The following PPP2R5C variants were observed in gnomAD, a reference collection of about 807,000 sequenced individuals.
PPP2R5C encodes the protein protein phosphatase 2 regulatory subunit B'gamma.
Under a neutral mutation model 68.9 loss-of-function variants are expected in PPP2R5C, and 7 were observed. The observed-to-expected ratio is 0.10, with a 90% CI of 0.06 to 0.19. PPP2R5C has a LOEUF of 0.19. Ranked by LOEUF, PPP2R5C falls within the 10% of genes least tolerant of loss-of-function variation. PPP2R5C has a pLI of 1.00. For synonymous variants in PPP2R5C, 210 were observed against 222.2 expected (o/e 0.95, Z 0.49); for missense variants, 348 against 641.3 (o/e 0.54, Z 4.94).
At position 101,835,854 on chromosome 14, in the gene PPP2R5C, T is replaced by G. The variant is rs1159342876; in HGVS notation, c.95-20832T>G. ...AGCACGGTCCCATCTGAGCGTCGCC[T>G]TAACCTCTCTGTAGACCTCTGTCCT... On this transcript the variant is annotated intron_variant, in intron 1 of 13. Coordinates refer to ENST00000334743, the Ensembl canonical transcript of PPP2R5C. This position sits in a 1 kb window ranked among gnomAD's most constrained non-coding sequence, Gnocchi z 5.0. 6.6e-6 allele frequency among the ~76,000 whole-genome samples: 1 copy of G among 152,244 alleles called. No homozygotes were observed. The highest frequency in any genetic ancestry group is 1.5e-5 in the Non-Finnish European group (1 of 68,048).
intron 1 of PPP2R5C, chr14:101,839,664 T>G (rs948508926): frequency 6.6e-6 from 1 of 152,266 alleles, no homozygotes; most frequent in Admixed American, 6.5e-5. Flanking sequence ...CCATCCTCCA[T>G]CTGTAATCAT....
intron 2 of PPP2R5C, among the ~76,000 whole-genome samples, chr14:101,773,522 G>A (rs1030225682): frequency 2.0e-5 from 3 of 152,188 alleles, no homozygotes; most frequent in African/African-American, 7.2e-5. Flanking sequence ...GCCCCATGGA[G>A]GAAGTGAGTT....
chr14:101,884,615 G>A (rs1035263741), intron 5 of PPP2R5C, among the ~76,000 whole-genome samples: 2 of 152,264 alleles, frequency 1.3e-5, no homozygotes, highest in Non-Finnish European at 2.9e-5. Context: ...GGAGGACAGA[G>A]TCCAGTGGCA....
chr14:101,874,764 G>T (rs1368817112), intron 2 of PPP2R5C, among the ~76,000 whole-genome samples: 1 of 152,004 alleles, frequency 6.6e-6, no homozygotes, highest in African/African-American at 2.4e-5. Flanking sequence ...ATTTGAGACA[G>T]AGTCTTGCTC....
At chr14:101,845,603 T>G (rs891080992) in intron 1 of PPP2R5C, among the ~76,000 whole-genome samples, 1 of 152,182 alleles carries the variant, frequency 6.6e-6, no homozygotes, top group Non-Finnish European at 1.5e-5. Context: ...TACTGTTAAT[T>G]TCATGAGAAA....
At chr14:101,784,690 CTG>C in intron 2 of PPP2R5C, among the ~76,000 whole-genome samples, 1 of 152,332 alleles carries the variant, frequency 6.6e-6, no homozygotes, top group South Asian at 2.1e-4. Context: ...CAGAAGCAAA[CTG>C]TCTCAGAGAG....
Position 101,879,481 on chromosome 14 carries a change from T to A in PPP2R5C, c.295-2680T>A, listed in dbSNP as rs2044015215. 1 of 152,648 alleles carries A rather than the reference T, an allele frequency of 6.6e-6. No individual in the cohort carries two copies. The highest frequency in any genetic ancestry group is 2.1e-4 in the South Asian group (1 of 4,842). The allele number at this position is 152,648 out of a possible 1,614,324, so 9.5% of individuals were successfully genotyped here. A position where few individuals can be genotyped will look rare whatever the true frequency, so the allele number is the denominator to read the frequency against. On this transcript the variant is annotated intron_variant, in intron 2 of 13. Transcript: ENST00000334743. The surrounding 1 kb of genome is among the most constrained non-coding windows in gnomAD (Gnocchi z 4.2). ...GAAACCTCGGAAGCAGTGACCGTGC[T>A]TTCCTTCCAGGCGCCATGGTTCCTC...
At chr14:101,830,082 A>G (rs138145950) in intron 1 of PPP2R5C, among the ~76,000 whole-genome samples, 465 of 152,310 alleles carry the variant, frequency 3.1e-3, no homozygotes, top group African/African-American at 0.01. Context: ...GAGTGTGTAC[A>G]ATACCATTTT....
rs186206886 is a variant in PPP2R5C at position 101,856,332 on chromosome 14, A to C, written c.95-354A>C. ...CGCCCTTTCCCCAGACATGGACCTT[A>C]CTGGTTGCCTCTCATTCCACTGCCC... On this transcript the variant is annotated intron_variant, in intron 1 of 13. Coordinates refer to ENST00000334743, the Ensembl canonical transcript of PPP2R5C. Among the ~76,000 whole-genome samples the C allele has an allele frequency of 2.2e-4, 33 of 152,254 alleles. No homozygotes were observed. In the East Asian group the frequency reaches 5.8e-3, roughly 27 times the overall value.
At chr14:101,823,544 CCTTTTTCAT>C (rs1480083065) in intron 1 of PPP2R5C, 2 of 160,388 alleles carry the variant, frequency 1.2e-5, no homozygotes, top group African/African-American at 4.8e-5. Context: ...CACCCTGGAA[CCTTTTTCAT>C]CTTCAAAGCT....
chr14:101,919,143 G>A (rs3783371), intron 13 of PPP2R5C, among the ~76,000 whole-genome samples: 5 of 152,212 alleles, frequency 3.3e-5, no homozygotes, highest in East Asian at 1.9e-4. Flanking sequence ...GCTCCTTTCC[G>A]GAGTTGCACA....
intron 1 of PPP2R5C, among the ~76,000 whole-genome samples, chr14:101,852,467 TTC>T: frequency 6.8e-6 from 1 of 146,178 alleles, no homozygotes; most frequent in Non-Finnish European, 1.5e-5. Context: ...CATTTTCTTT[TTC>T]TTTTTTTTTT....
intron 2 of PPP2R5C, chr14:101,766,218 C>T (rs765302361): frequency 6.6e-6 from 1 of 152,206 alleles, no homozygotes; most frequent in Non-Finnish European, 1.5e-5. Context: ...TTGGGTAGAA[C>T]AAGGGGACAT....
chr14:101,824,390 T>C (rs950313599), intron 1 of PPP2R5C: 5 of 275,498 alleles, frequency 1.8e-5, no homozygotes, highest in African/African-American at 8.7e-5. Context: ...ATGTGTACAA[T>C]TGAAGTGATG....
upstream of PPP2R5C, among the ~76,000 whole-genome samples, chr14:101,760,885 G>A (rs1327185433): frequency 2.3e-5 from 2 of 88,786 alleles, no homozygotes; most frequent in East Asian, 6.4e-4. Flanking sequence ...GCCGGTCGAG[G>A]AGAGGGGTTG....
intron 2 of PPP2R5C, among the ~76,000 whole-genome samples, chr14:101,865,659 T>C (rs971127709): frequency 6.6e-6 from 1 of 152,354 alleles, no homozygotes; most frequent in African/African-American, 2.4e-5. Context: ...TGGTTCTGTC[T>C]GCTGCAGACA....
chr14:101,889,458 G>A (rs10130643), intron 5 of PPP2R5C, among the ~76,000 whole-genome samples: 5,365 of 152,238 alleles, frequency 0.035, 201 homozygotes, highest in East Asian at 0.094. Flanking sequence ...TTCAGCAGAC[G>A]TGTTTTCAGC....
At chr14:101,884,217 C>G (rs2044340213) in intron 5 of PPP2R5C, among the ~76,000 whole-genome samples, 1 of 152,220 alleles carries the variant, frequency 6.6e-6, no homozygotes, top group African/African-American at 2.4e-5. Context: ...CAGTCTAGCC[C>G]TTCCACGTTC....
chr14:101,880,062 G>A (rs1316135737), intron 2 of PPP2R5C, among the ~76,000 whole-genome samples: 8 of 152,190 alleles, frequency 5.3e-5, no homozygotes, highest in African/African-American at 1.2e-4. Context: ...AGGCAGGGCC[G>A]TCCACCTGTC....
Sources: allele counts gnomAD v4.1 joint callset (sites outside exome capture counted in the v4.1 genomes callset), GRCh38; gene constraint gnomAD v4.1.1; non-coding constraint Gnocchi (gnomAD v3.1); transcripts MANE v1.5; gene names NCBI Gene and HGNC (gene_info 2026-07-23, HGNC 2026-07-21).